The following TMTC2 variants were observed in gnomAD, a reference collection of about 807,000 sequenced individuals.
TMTC2 encodes transmembrane O-mannosyltransferase targeting cadherins 2, also known as protein O-mannosyl-transferase TMTC2.
In TMTC2, 43 loss-of-function variants were observed where a neutral mutation model predicts 82.4. The ratio of observed to expected loss-of-function variants is 0.52; its 90% CI spans 0.41 to 0.67. The LOEUF (loss-of-function observed/expected upper bound fraction) is 0.67, where lower values mean the gene tolerates loss of function less well. Among genes scored for constraint, TMTC2 ranks in the 30% least tolerant of loss-of-function variants. The probability of loss-of-function intolerance (pLI) is 0.00; values close to 1 mark genes in which losing one functional copy is unlikely to be tolerated. For synonymous variants in TMTC2, 408 were observed against 381.9 expected (o/e 1.07, Z -0.80); for missense variants, 919 against 1,012.4 (o/e 0.91, Z 1.25).
At chr12:82,808,107 A>C (rs1879326332) in intron 1 of TMTC2, among the ~76,000 whole-genome samples, 1 of 151,958 alleles carries the variant, frequency 6.6e-6, no homozygotes, top group Non-Finnish European at 1.5e-5. Context: ...CTGTTTAAAA[A>C]ACAGTGGCTG....
In TMTC2 at chr12:83,132,459, C is replaced by T; in HGVS notation, c.*70C>T. On this transcript the variant is annotated 3_prime_UTR_variant, in exon 12 of 12. Transcript: ENST00000321196. ...TTCCTTAGCAGACAGAACTTCCCAG[C>T]AGTGCTATGACAAGAGCTGGTGTTA... 1 of 1,549,308 alleles carries T rather than the reference C, an allele frequency of 6.5e-7. No individual in the cohort carries two copies. Among genetic ancestry groups the T allele is most frequent in the Non-Finnish European group, 8.8e-7 (1 of 1,134,684 alleles).
chr12:82,888,044 A>T (rs1330606063), intron 2 of TMTC2, among the ~76,000 whole-genome samples: 1 of 152,184 alleles, frequency 6.6e-6, no homozygotes, highest in Non-Finnish European at 1.5e-5. Context: ...GCGCCATTGC[A>T]TTCCAGCCTG....
intron 11 of TMTC2, among the ~76,000 whole-genome samples, chr12:83,071,509 G>T (rs961631093): frequency 6.6e-6 from 1 of 152,040 alleles, no homozygotes; most frequent in Non-Finnish European, 1.5e-5. Context: ...TGGTATTAGG[G>T]TTATGCTGGC....
intron 2 of TMTC2, among the ~76,000 whole-genome samples, chr12:82,860,296 G>A (rs887431675): frequency 1.3e-5 from 2 of 152,164 alleles, no homozygotes; most frequent in African/African-American, 2.4e-5. Flanking sequence ...TTAAGGACCT[G>A]TAGGATCATC....
chr12:82,918,176 C>G (rs1471440584), intron 3 of TMTC2, among the ~76,000 whole-genome samples: 1 of 151,272 alleles, frequency 6.6e-6, no homozygotes, highest in African/African-American at 2.4e-5. Flanking sequence ...TCCCAAAGTA[C>G]TAGATTATAG....
At chr12:82,827,837 A>G (rs886330476) in intron 1 of TMTC2, among the ~76,000 whole-genome samples, 2 of 151,268 alleles carry the variant, frequency 1.3e-5, no homozygotes, top group African/African-American at 4.9e-5. Flanking sequence ...TGTTCGGACT[A>G]TGGATGCCTG....
chr12:82,934,211 G>A (rs566006698), intron 4 of TMTC2, among the ~76,000 whole-genome samples: 97 of 152,196 alleles, frequency 6.4e-4, no homozygotes, highest in African/African-American at 2.3e-3. Flanking sequence ...GTGTATCTGT[G>A]CAACACTTGT....
intron 4 of TMTC2, among the ~76,000 whole-genome samples, chr12:82,937,179 G>A (rs1876363874): frequency 6.6e-6 from 1 of 152,130 alleles, no homozygotes; most frequent in Admixed American, 6.5e-5. Flanking sequence ...CATAGCTTAA[G>A]ATAGAAATTT....
At position 83,134,304 on chromosome 12, in the gene TMTC2, G is replaced by C. The variant is rs1352673302; in HGVS notation, c.*1915G>C. 2 of 151,396 alleles carry C rather than the reference G, an allele frequency of 1.3e-5. No individual in the cohort carries two copies. 9.4% of individuals were successfully genotyped at this position (151,396 alleles called of 1,614,324 possible). ...ATTGGCAATTGCAAAAAAAAAAAAG[G>C]AATTTAATATAAGGCTATAGAGATT... On this transcript the variant is annotated 3_prime_UTR_variant, in exon 12 of 12. Transcript: ENST00000321196.
At chr12:82,887,479 C>T (rs1199045459) in intron 2 of TMTC2, among the ~76,000 whole-genome samples, 1 of 152,172 alleles carries the variant, frequency 6.6e-6, no homozygotes, top group Admixed American at 6.5e-5. Flanking sequence ...GCTTCTCCCT[C>T]ATATTTCAGG....
At chr12:82,957,765 G>T (rs562104927) in intron 4 of TMTC2, among the ~76,000 whole-genome samples, 1 of 152,066 alleles carries the variant, frequency 6.6e-6, no homozygotes, top group South Asian at 2.1e-4. Flanking sequence ...AGAGGAAATG[G>T]ATAAATTCCT....
At chr12:82,971,873 G>A (rs914263920) in intron 7 of TMTC2, among the ~76,000 whole-genome samples, 2 of 151,914 alleles carry the variant, frequency 1.3e-5, no homozygotes, top group Admixed American at 6.6e-5. Flanking sequence ...CATATGAAAT[G>A]TAAATAGTTA....
chr12:83,127,477 A>C (rs1306792027), intron 11 of TMTC2, among the ~76,000 whole-genome samples: 1 of 151,930 alleles, frequency 6.6e-6, no homozygotes, highest in East Asian at 1.9e-4. Context: ...GGGGTATCCA[A>C]CTCCTGACTA....
intron 11 of TMTC2, among the ~76,000 whole-genome samples, chr12:83,109,759 T>C (rs531104429): frequency 9.8e-5 from 15 of 152,338 alleles, no homozygotes; most frequent in Non-Finnish European, 1.9e-4. Context: ...TTGCCTCTTT[T>C]TGCCTTATCA....
At chr12:83,076,380 C>A (rs1054613821) in intron 11 of TMTC2, among the ~76,000 whole-genome samples, 2 of 152,108 alleles carry the variant, frequency 1.3e-5, no homozygotes, top group Non-Finnish European at 2.9e-5. Context: ...TTCTCTGATT[C>A]CAACATATTT....
At position 82,715,348 on chromosome 12, in the gene TMTC2, C is replaced by A. The variant is rs537253162; in HGVS notation, c.83+27679C>A. 2.6e-5 allele frequency among the ~76,000 whole-genome samples: 4 copies of A among 151,878 alleles called. No individual in the cohort carries two copies. The South Asian group carries it at 8.3e-4, about 32-fold the overall frequency. ...TAAGGGGAAAATCAGAGTGATGACACCACCATGCAGTGAGATATGGATGTT... is the reference window on the plus strand; with the variant it reads ...TAAGGGGAAAATCAGAGTGATGACAACACCATGCAGTGAGATATGGATGTT... On this transcript the variant is annotated intron_variant, in intron 1 of 11. Coordinates refer to ENST00000321196, the MANE Select transcript of TMTC2 (RefSeq NM_152588.3).
chr12:82,870,820 G>C (rs1204501156), intron 2 of TMTC2, among the ~76,000 whole-genome samples: 1 of 152,200 alleles, frequency 6.6e-6, no homozygotes, highest in Non-Finnish European at 1.5e-5. Context: ...AAAATAGCAA[G>C]AAAGGAGAAA....
At chr12:82,914,110 C>G (rs1874855972) in intron 3 of TMTC2, among the ~76,000 whole-genome samples, 1 of 152,140 alleles carries the variant, frequency 6.6e-6, no homozygotes, top group Admixed American at 6.6e-5. Flanking sequence ...AAATTAACTT[C>G]CCATTCTTTT....
At chr12:82,719,603 A>G (rs1874099034) in intron 1 of TMTC2, among the ~76,000 whole-genome samples, 2 of 151,466 alleles carry the variant, frequency 1.3e-5, no homozygotes, top group African/African-American at 2.4e-5. Flanking sequence ...TTTATACCTA[A>G]TTACTCATGT....
Sources: allele counts gnomAD v4.1 joint callset (sites outside exome capture counted in the v4.1 genomes callset), GRCh38; gene constraint gnomAD v4.1.1; transcripts MANE v1.5; gene names NCBI Gene and HGNC (gene_info 2026-07-23, HGNC 2026-07-21).